STARD13: variants seen among roughly 807,000 people sequenced by gnomAD.
The protein encoded by STARD13 is stAR-related lipid transfer protein 13.
STARD13 carries 62 observed loss-of-function variants against 106.4 expected under a neutral mutation model. The observed-to-expected ratio is 0.58, with a 90% CI of 0.48 to 0.72. STARD13 has a LOEUF of 0.72. Ranked by LOEUF, STARD13 falls within the 30% of genes least tolerant of loss-of-function variation. STARD13 has a pLI of 0.00. For synonymous variants in STARD13, 565 were observed against 553.0 expected (o/e 1.02, Z -0.31); for missense variants, 1,387 against 1,424.0 (o/e 0.97, Z 0.42).
the STARD13 span, among the ~76,000 whole-genome samples, chr13:33,601,437 A>G: frequency 5.9e-5 from 9 of 152,252 alleles, no homozygotes; most frequent in Non-Finnish European, 7.4e-5. Context: ...ACTTTGTGGA[A>G]GTGCCTCAGG....
At chr13:33,483,658 T>C in the STARD13 span, among the ~76,000 whole-genome samples, 2 of 152,360 alleles carry the variant, frequency 1.3e-5, no homozygotes, top group East Asian at 3.9e-4. Flanking sequence ...AGCTCCCTAA[T>C]TGTGGTTTTC....
the STARD13 span, among the ~76,000 whole-genome samples, chr13:33,540,680 C>T: frequency 2.0e-5 from 3 of 152,122 alleles, no homozygotes; most frequent in Admixed American, 6.5e-5. Flanking sequence ...CAAATAGATT[C>T]GATGGTGGGA....
intron 1 of STARD13, among the ~76,000 whole-genome samples, chr13:33,188,636 G>A (rs703232): frequency 0.53 from 80,019 of 152,034 alleles, 21,672 homozygotes; most frequent in African/African-American, 0.65. Context: ...TTCTTTTGAA[G>A]AGGATTCAAT....
At chr13:33,460,751 G>T in the STARD13 span, among the ~76,000 whole-genome samples, 1 of 151,512 alleles carries the variant, frequency 6.6e-6, no homozygotes, top group African/African-American at 2.4e-5. Flanking sequence ...AAAAAAAAAG[G>T]TGACCAAAAT....
At chr13:33,558,968 A>G in the STARD13 span, among the ~76,000 whole-genome samples, 1 of 151,586 alleles carries the variant, frequency 6.6e-6, no homozygotes, top group African/African-American at 2.4e-5. Context: ...ATTGAAGACA[A>G]TACAGTGTTA....
chr13:33,124,802 G>T (rs1385246363), intron 7 of STARD13, among the ~76,000 whole-genome samples: 2 of 152,148 alleles, frequency 1.3e-5, no homozygotes, highest in Admixed American at 6.5e-5. Flanking sequence ...TCATGCTGGG[G>T]CATCTGTCAA....
In STARD13 at chr13:33,109,981, T is replaced by C; in HGVS notation, c.2939A>G (p.Asp980Gly). 6.2e-7 allele frequency: 1 copy of C among 1,614,172 alleles called. No homozygotes were observed. Among genetic ancestry groups the C allele is most frequent in the Non-Finnish European group, 8.5e-7 (1 of 1,180,032 alleles). The change falls in exon 12 of 14, where the codon GAC becomes GGC. Residue 980 changes from aspartate (D) to glycine (G), a missense_variant. By Grantham distance (94) the Asp-to-Gly change is moderately conservative (BLOSUM62 -1). Coordinates refer to ENST00000336934, the MANE Select transcript of STARD13 (RefSeq NM_178006.4). ...VLRERHLWDE[D>G]FVQWKVVETL... ...TTCCACAACCTTCCACTGCACAAAG[T>C]CCTCGTCCCACAGGTGGCGCTCTCT... is the stretch of plus-strand genomic sequence containing the variant.
At chr13:33,351,446 C>A (rs2078078397), upstream of STARD13, among the ~76,000 whole-genome samples, 1 of 152,144 alleles carries the variant, frequency 6.6e-6, no homozygotes, top group South Asian at 2.1e-4. Flanking sequence ...AGAAATACAT[C>A]ATCACTGAAG....
At chr13:33,341,586 G>A (rs369136279) in intron 1 of STARD13, among the ~76,000 whole-genome samples, 80 of 143,626 alleles carry the variant, frequency 5.6e-4, no homozygotes, top group East Asian at 5.5e-3. Flanking sequence ...GCGAGACTCC[G>A]TCTCCAAAAA....
chr13:33,555,260 A>G, the STARD13 span, among the ~76,000 whole-genome samples: 1 of 152,208 alleles, frequency 6.6e-6, no homozygotes, highest in African/African-American at 2.4e-5. Flanking sequence ...GCCTAGCATC[A>G]AATCAGCTAA....
intron 1 of STARD13, among the ~76,000 whole-genome samples, chr13:33,203,653 G>A (rs1030950183): frequency 1.3e-5 from 2 of 151,974 alleles, no homozygotes; most frequent in Non-Finnish European, 2.9e-5. Context: ...ACAATGCTGA[G>A]AATCTTGATG....
intron 1 of STARD13, chr13:33,206,026 G>C (rs1266321344): frequency 8.1e-6 from 8 of 985,238 alleles, no homozygotes; most frequent in Non-Finnish European, 9.6e-6. Flanking sequence ...CATCATTCTA[G>C]CCTGATCAAT....
the STARD13 span, among the ~76,000 whole-genome samples, chr13:33,652,892 A>G: frequency 0.012 from 1,882 of 152,202 alleles, 38 homozygotes; most frequent in African/African-American, 0.043. Flanking sequence ...CTAATTTTTG[A>G]TACATTAAAA....
chr13:33,395,118 G>C, the STARD13 span, among the ~76,000 whole-genome samples: 1 of 152,212 alleles, frequency 6.6e-6, no homozygotes, highest in South Asian at 2.1e-4. Flanking sequence ...GGGCAGAGTA[G>C]CTTAGTTTAG....
chr13:33,136,894 A>G (rs1228713193), intron 4 of STARD13, among the ~76,000 whole-genome samples: 3 of 152,238 alleles, frequency 2.0e-5, no homozygotes, highest in Non-Finnish European at 4.4e-5. Flanking sequence ...TGCTGGCGCC[A>G]AGAAGCAGCA....
chr13:33,199,965 T>C (rs1297678708), intron 1 of STARD13, among the ~76,000 whole-genome samples: 1 of 152,226 alleles, frequency 6.6e-6, no homozygotes, highest in Non-Finnish European at 1.5e-5. Flanking sequence ...TTGTTTTCCT[T>C]TGGGGAGTAG....
At chr13:33,475,682 G>A in the STARD13 span, among the ~76,000 whole-genome samples, 2 of 152,178 alleles carry the variant, frequency 1.3e-5, no homozygotes, top group South Asian at 2.1e-4. Flanking sequence ...GGGTAGGCCA[G>A]GTGTGGTGGT....
intron 3 of STARD13, among the ~76,000 whole-genome samples, chr13:33,162,151 G>A (rs543907474): frequency 6.6e-6 from 1 of 152,272 alleles, no homozygotes; most frequent in Admixed American, 6.5e-5. Context: ...GTCCCCCAAA[G>A]TCTTAACTCA....
the STARD13 span, among the ~76,000 whole-genome samples, chr13:33,661,958 G>A: frequency 1.7e-4 from 26 of 151,916 alleles, no homozygotes; most frequent in African/African-American, 5.1e-4. Flanking sequence ...TCACAAATAT[G>A]TCATCATTAA....
Sources: allele counts gnomAD v4.1 joint callset (sites outside exome capture counted in the v4.1 genomes callset), GRCh38; gene constraint gnomAD v4.1.1; transcripts MANE v1.5; gene names NCBI Gene and HGNC (gene_info 2026-07-23, HGNC 2026-07-21).